The following MACROD2 variants were observed in gnomAD, a reference collection of about 807,000 sequenced individuals.
MACROD2 encodes the protein ADP-ribose glycohydrolase MACROD2.
A neutral mutation model predicts 70.4 loss-of-function variants in MACROD2; 36 were observed. That is an observed-to-expected ratio of 0.51 (90% CI 0.39 to 0.68). MACROD2 has a LOEUF of 0.68. Among genes scored for constraint, MACROD2 ranks in the 30% least tolerant of loss-of-function variants. The pLI, the probability that MACROD2 is intolerant of heterozygous loss-of-function variation, is 0.00. For synonymous variants in MACROD2, 172 were observed against 178.8 expected (o/e 0.96, Z 0.30); for missense variants, 496 against 538.4 (o/e 0.92, Z 0.78).
At chr20:14,452,344 A>G (rs536836411) in intron 3 of MACROD2, among the ~76,000 whole-genome samples, 68 of 152,204 alleles carry the variant, frequency 4.5e-4, no homozygotes, top group Non-Finnish European at 1.5e-4. Flanking sequence ...ACATTTAGGG[A>G]TAATATTCTT....
intron 6 of MACROD2, among the ~76,000 whole-genome samples, chr20:15,328,836 T>C (rs2077960668): frequency 6.6e-6 from 1 of 152,110 alleles, no homozygotes; most frequent in African/African-American, 2.4e-5. Flanking sequence ...AAGAAAATTA[T>C]CTAAAATTCA....
At chr20:15,559,269 A>G (rs2048210848) in intron 8 of MACROD2, among the ~76,000 whole-genome samples, 2 of 151,246 alleles carry the variant, frequency 1.3e-5, no homozygotes, top group Non-Finnish European at 2.9e-5. Flanking sequence ...CAGGCTGACT[A>G]TCACATGTGT....
In MACROD2 at chr20:14,702,652, CAT is replaced by C. The variant is rs530304393; in HGVS notation, c.418+17700_418+17701del. On this transcript the variant is annotated intron_variant, in intron 5 of 17. Coordinates refer to ENST00000684519, the MANE Select transcript of MACROD2 (RefSeq NM_001351661.2). ...ATATATATATGTATATATATATACA[CAT>C]ATATATGTGTATATATATATACACA... 4.3e-3 allele frequency among the ~76,000 whole-genome samples: 258 copies of C among 59,572 alleles called. 33 individuals are homozygous for C. The highest frequency in any genetic ancestry group is 0.016 in the African/African-American group (238 of 14,530). The allele number at this position is 59,572 out of a possible 152,430, so 39.1% of individuals were successfully genotyped here.
chr20:14,077,966 G>C (rs959813563), intron 2 of MACROD2, among the ~76,000 whole-genome samples: 1 of 149,620 alleles, frequency 6.7e-6, no homozygotes, highest in Non-Finnish European at 1.5e-5. Context: ...GCAATGGTGC[G>C]ATCTCGGCTC....
chr20:14,817,683 T>C (rs1057514206), intron 5 of MACROD2, among the ~76,000 whole-genome samples: 2 of 152,124 alleles, frequency 1.3e-5, no homozygotes, highest in Non-Finnish European at 2.9e-5. Context: ...AAAATACTGA[T>C]AGGGATCTGA....
chr20:15,367,557 T>G (rs566715681), intron 6 of MACROD2, among the ~76,000 whole-genome samples: 5 of 152,312 alleles, frequency 3.3e-5, no homozygotes, highest in African/African-American at 1.2e-4. Context: ...AAAGAGCTGA[T>G]GTACTCTTCA....
At position 15,050,533 on chromosome 20, in the gene MACROD2, C is replaced by CTTTTTTT. The variant is rs386393390; in HGVS notation, c.419-179387_419-179381dup. Among the ~76,000 whole-genome samples, 160 of 77,894 alleles carry CTTTTTTT rather than the reference C, an allele frequency of 2.1e-3. 26 individuals are homozygous for CTTTTTTT. The highest frequency in any genetic ancestry group is 9.2e-3 in the African/African-American group (147 of 16,042). The allele number at this position is 77,894 out of a possible 152,430, so 51.1% of individuals were successfully genotyped here. A position where few individuals can be genotyped will look rare whatever the true frequency, so the allele number is the denominator to read the frequency against. On this transcript the variant is annotated intron_variant, in intron 5 of 17. Coordinates refer to ENST00000684519, the MANE Select transcript of MACROD2 (RefSeq NM_001351661.2). The stretch of plus-strand genomic sequence containing the variant: ...GTCTTTTTACACTTTCTATTTAGGT[C>CTTTTTTT]TTTTTTTTTTTTTTTTTTTTTTTTT...
chr20:15,210,539 ATTCTT>A (rs2076753208), intron 5 of MACROD2, among the ~76,000 whole-genome samples: 1 of 120,444 alleles, frequency 8.3e-6, no homozygotes, highest in African/African-American at 3.1e-5. Flanking sequence ...CGTTTCTTTT[ATTCTT>A]TTCTTCTGTT....
At chr20:14,389,950 A>C (rs557579639) in intron 3 of MACROD2, among the ~76,000 whole-genome samples, 1 of 152,346 alleles carries the variant, frequency 6.6e-6, no homozygotes, top group African/African-American at 2.4e-5. Flanking sequence ...GAAGAGAGGA[A>C]GTAAACTATC....
chr20:15,074,840 G>A (rs893192402), intron 5 of MACROD2, among the ~76,000 whole-genome samples: 3 of 152,130 alleles, frequency 2.0e-5, no homozygotes, highest in African/African-American at 7.2e-5. Flanking sequence ...ATCCTTCCAC[G>A]TATTTACTGA....
At chr20:15,840,062 A>G (rs1398348684) in intron 8 of MACROD2, among the ~76,000 whole-genome samples, 2 of 152,152 alleles carry the variant, frequency 1.3e-5, no homozygotes, top group Non-Finnish European at 2.9e-5. Flanking sequence ...ACCTATGATT[A>G]TTTTATCATT....
chr20:14,587,002 T>C (rs1244715078), intron 4 of MACROD2, among the ~76,000 whole-genome samples: 1 of 151,994 alleles, frequency 6.6e-6, no homozygotes, highest in Non-Finnish European at 1.5e-5. Context: ...TTTTCTTGTT[T>C]AGTGTATTTT....
chr20:15,444,931 T>C (rs1358965749), intron 7 of MACROD2, among the ~76,000 whole-genome samples: 1 of 147,836 alleles, frequency 6.8e-6, no homozygotes, highest in Non-Finnish European at 1.5e-5. Flanking sequence ...CATAGTGTCA[T>C]ATATAAACAC....
chr20:15,554,948 A>G (rs770234149), intron 8 of MACROD2, among the ~76,000 whole-genome samples: 9 of 152,194 alleles, frequency 5.9e-5, no homozygotes, highest in Non-Finnish European at 1.3e-4. Flanking sequence ...AACCATACAA[A>G]TCTTTAAGGG....
chr20:15,353,541 G>A (rs1250070967), intron 6 of MACROD2, among the ~76,000 whole-genome samples: 2 of 151,916 alleles, frequency 1.3e-5, no homozygotes, highest in African/African-American at 2.4e-5. Context: ...CACAGCAAAA[G>A]AAACTAGCAT....
intron 8 of MACROD2, among the ~76,000 whole-genome samples, chr20:15,710,523 C>G (rs899837274): frequency 6.6e-6 from 1 of 152,170 alleles, no homozygotes; most frequent in Non-Finnish European, 1.5e-5. Flanking sequence ...TATGGGCTCT[C>G]AGAACCCTGA....
intron 8 of MACROD2, among the ~76,000 whole-genome samples, chr20:15,770,137 C>T (rs1243842224): frequency 2.9e-5 from 4 of 138,298 alleles, no homozygotes; most frequent in African/African-American, 1.1e-4. Context: ...CTTTCTTGCC[C>T]AGGTTGCTGT....
intron 3 of MACROD2, among the ~76,000 whole-genome samples, chr20:14,186,409 C>T (rs527661898): frequency 1.3e-5 from 2 of 152,142 alleles, no homozygotes; most frequent in South Asian, 4.1e-4. Flanking sequence ...ATTGATATAC[C>T]ATCTCACACC....
chr20:15,893,759 C>T, intron 10 of MACROD2: 1 of 456,710 alleles, frequency 2.2e-6, no homozygotes. Context: ...TCCCCACCTC[C>T]TCCACTGGGA....
Sources: gnomAD v4.1 joint callset for allele counts (sites outside exome capture counted in the v4.1 genomes callset) on GRCh38, gnomAD v4.1.1 for gene constraint, MANE v1.5 for transcripts, NCBI Gene and HGNC (gene_info 2026-07-23, HGNC 2026-07-21) for gene names.